GLMN: variants seen among roughly 807,000 people sequenced by gnomAD.
The protein encoded by GLMN is glomulin.
A neutral mutation model predicts 87.8 loss-of-function variants in GLMN; 75 were observed. The ratio of observed to expected loss-of-function variants is 0.85; its 90% CI spans 0.71 to 1.04. The LOEUF is 1.04. Ranked by LOEUF, GLMN falls within the 50% of genes least tolerant of loss-of-function variation. The pLI is 0.00. For synonymous variants in GLMN, 206 were observed against 221.6 expected (o/e 0.93, Z 0.63); for missense variants, 588 against 658.8 (o/e 0.89, Z 1.18).
rs1038486352 is a variant in GLMN at position 92,267,931 on chromosome 1, A to T, written c.1080T>A (p.Ser360Arg). The T allele has an allele frequency of 6.8e-7, 1 of 1,475,704 alleles. No individual in the cohort carries two copies. The highest frequency in any genetic ancestry group is 9.5e-7 in the Non-Finnish European group (1 of 1,054,038). 91.4% of individuals were successfully genotyped at this position (1,475,704 alleles called of 1,614,324 possible). Reference protein sequence around the residue: ...SLLYQYLEIKSFLTVPQGLVK... With the variant: ...SLLYQYLEIKRFLTVPQGLVK... ...TATTTACCTGAGGTACAGTAAGAAA[A>T]CTCTTGATTTCTAAGTACTGGTAAA... The change falls in exon 11 of 19, where the codon AGT (serine) becomes AGA (arginine). Residue 360 changes from serine to arginine, a missense_variant. Coordinates refer to ENST00000370360, the MANE Select transcript of GLMN (RefSeq NM_053274.3).
At chr1:92,298,694 T>C (rs573868905) in intron 1 of GLMN, among the ~76,000 whole-genome samples, 2 of 152,036 alleles carry the variant, frequency 1.3e-5, no homozygotes, top group Non-Finnish European at 2.9e-5. Flanking sequence ...AAGCCCTCAG[T>C]AGGGGCGCGA....
chr1:92,320,708 A>G, the GLMN span: 4 of 1,224,972 alleles, frequency 3.3e-6, no homozygotes, highest in East Asian at 2.4e-5. Flanking sequence ...ACCAGGTGAT[A>G]TGAGCTCTTG....
At chr1:92,328,686 G>C in the GLMN span, among the ~76,000 whole-genome samples, 2 of 152,168 alleles carry the variant, frequency 1.3e-5, no homozygotes, top group East Asian at 3.8e-4. Context: ...CATTGCTGGT[G>C]AGCTAGTATG....
chr1:92,307,955 A>G, the GLMN span, among the ~76,000 whole-genome samples: 1 of 152,194 alleles, frequency 6.6e-6, no homozygotes, highest in African/African-American at 2.4e-5. Flanking sequence ...AAATAAATTC[A>G]TGTTTGAAAG....
At chr1:92,322,121 T>G in the GLMN span, among the ~76,000 whole-genome samples, 1 of 151,688 alleles carries the variant, frequency 6.6e-6, no homozygotes. Context: ...AATTTTTGTA[T>G]TTTTAGTAGA....
At chr1:92,337,264 A>G in the GLMN span, among the ~76,000 whole-genome samples, 1 of 152,146 alleles carries the variant, frequency 6.6e-6, no homozygotes, top group Non-Finnish European at 1.5e-5. Context: ...GTGTAAAATT[A>G]CAGTACAGGA....
chr1:92,302,150 G>T (rs745758469), upstream of GLMN, among the ~76,000 whole-genome samples: 9 of 152,194 alleles, frequency 5.9e-5, no homozygotes, highest in South Asian at 4.2e-4. Context: ...TGTGGCTCAT[G>T]CCTGTAATCC....
At chr1:92,291,660 A>G (rs1443417562) in intron 3 of GLMN, 123 bp from the exon 4 acceptor site, 2 of 925,410 alleles carry the variant, frequency 2.2e-6, no homozygotes, top group East Asian at 2.5e-5. Context: ...AGTGAAGCCT[A>G]TGACATTTCA....
chr1:92,299,270 G>C (rs1650595959), upstream of GLMN: 4 of 516,950 alleles, frequency 7.7e-6, no homozygotes, highest in Non-Finnish European at 1.3e-5. Context: ...CCCAGGTAGA[G>C]TAGGCCGAAA....
chr1:92,298,134 G>T (rs1650353760), intron 1 of GLMN, 105 bp from the exon 2 acceptor site: 2 of 635,466 alleles, frequency 3.1e-6, no homozygotes, highest in Admixed American at 5.6e-5. Flanking sequence ...TAAAGAAAAT[G>T]GAAAGTTTTT....
the GLMN span, among the ~76,000 whole-genome samples, chr1:92,338,414 A>G: frequency 1.5e-4 from 23 of 152,214 alleles, no homozygotes; most frequent in African/African-American, 5.3e-4. Flanking sequence ...TAATGACGAG[A>G]GACATTTTTT....
Position 92,286,560 on chromosome 1 carries a change from G to A in GLMN, c.665C>T (p.Thr222Ile). ...CFKSLKCPLL[T>I]AQFFEQSEEG... ...TTCAGACTGTTCAAAGAATTGTGCT[G>A]TCAGCAAAGGGCATTTCAAGCTTTT... The change falls in exon 7 of 19, where the codon ACA (threonine) becomes ATA (isoleucine). Residue 222 changes from threonine (T) to isoleucine (I), a missense_variant. Coordinates refer to ENST00000370360, the MANE Select transcript of GLMN (RefSeq NM_053274.3). The A allele has an allele frequency of 6.2e-7, 1 of 1,603,202 alleles. No homozygotes were observed. Among genetic ancestry groups the A allele is most frequent in the Non-Finnish European group, 8.5e-7 (1 of 1,170,438 alleles).
At chr1:92,247,039 AAG>A (rs763265202) in intron 18 of GLMN, 21 bp downstream of exon 18, 12 of 1,147,856 alleles carry the variant, frequency 1.0e-5, no homozygotes, top group Non-Finnish European at 1.5e-5. Flanking sequence ...AGAAAAAGGA[AAG>A]AAAAGAAAAT....
chr1:92,272,908 T>A (rs1294912488), intron 7 of GLMN, among the ~76,000 whole-genome samples: 1 of 152,208 alleles, frequency 6.6e-6, no homozygotes, highest in Non-Finnish European at 1.5e-5. Flanking sequence ...TTACTACTTG[T>A]GTGACACTGG....
At chr1:92,247,318 A>G (rs1207160128) in intron 17 of GLMN, among the ~76,000 whole-genome samples, 174 bp from the exon 18 acceptor site, 1 of 152,238 alleles carries the variant, frequency 6.6e-6, no homozygotes, top group African/African-American at 2.4e-5. Context: ...ATGAAATATC[A>G]AAATTCTGCA....
the GLMN span, among the ~76,000 whole-genome samples, chr1:92,348,358 C>G: frequency 1.3e-5 from 2 of 152,172 alleles, no homozygotes; most frequent in Non-Finnish European, 2.9e-5. Context: ...TAGGGGAAAC[C>G]CTTTTAGCTT....
At chr1:92,256,047 A>G (rs926348363) in intron 16 of GLMN, among the ~76,000 whole-genome samples, 1 of 152,176 alleles carries the variant, frequency 6.6e-6, no homozygotes, top group African/African-American at 2.4e-5. Flanking sequence ...AATAGACACA[A>G]TAAAAATTGA....
chr1:92,251,993 T>G lies in GLMN; in HGVS notation c.1474-4004A>C, dbSNP rs113643144. On this transcript the variant is annotated intron_variant, in intron 16 of 18. Coordinates refer to ENST00000370360, the MANE Select transcript of GLMN (RefSeq NM_053274.3). The stretch of plus-strand genomic sequence containing the variant: ...TTGTAGTTTTAGTAGAGATGGGGTT[T>G]CGCCATGTTGGACTGGCTGGTCTCT... 7.7e-3 allele frequency among the ~76,000 whole-genome samples: 1,170 copies of G among 152,088 alleles called. 6 individuals are homozygous for G. Among genetic ancestry groups the G allele is most frequent in the African/African-American group, 0.027 (1,122 of 41,438 alleles).
chr1:92,336,412 T>G, the GLMN span: 1 of 1,603,486 alleles, frequency 6.2e-7, no homozygotes, highest in Non-Finnish European at 8.5e-7. Flanking sequence ...CTTAAAAATC[T>G]TGTTCGAACT....
Sources: allele counts gnomAD v4.1 joint callset (sites outside exome capture counted in the v4.1 genomes callset), GRCh38; gene constraint gnomAD v4.1.1; transcripts MANE v1.5; gene names NCBI Gene and HGNC (gene_info 2026-07-23, HGNC 2026-07-21).